Variants in PLPPR5 observed in about 807,000 individuals in gnomAD.
PLPPR5 encodes phospholipid phosphatase-related protein type 5.
Under a neutral mutation model 33.9 loss-of-function variants are expected in PLPPR5, and 16 were observed. The observed-to-expected ratio is 0.47, with a 90% confidence interval of 0.32 to 0.72. The LOEUF (loss-of-function observed/expected upper bound fraction) is 0.72, where lower values mean the gene tolerates loss of function less well. Ranked by LOEUF, PLPPR5 falls within the 30% of genes least tolerant of loss-of-function variation. PLPPR5 has a pLI of 0.03. For missense variants in PLPPR5, 301 were observed against 406.7 expected (o/e 0.74, Z 2.23); for synonymous variants, 163 against 150.3 (o/e 1.08, Z -0.62).
Position 98,917,187 on chromosome 1 carries a change from G to A in PLPPR5, c.799-2267C>T, listed in dbSNP as rs538191432. 1.4e-4 allele frequency among the ~76,000 whole-genome samples: 22 copies of A among 152,184 alleles called. No individual in the cohort carries two copies. In the South Asian group the frequency reaches 4.6e-3, roughly 31 times the overall value. ...CTCCGCCCCAGTGCAGATTCACAAG[G>A]CTAAAAACTTGAATTAATCCTTTAC... On this transcript the variant is annotated intron_variant, in intron 4 of 5. Transcript: ENST00000263177.
At chr1:98,979,878 G>C (rs1436181439) in intron 1 of PLPPR5, among the ~76,000 whole-genome samples, 1 of 151,964 alleles carries the variant, frequency 6.6e-6, no homozygotes, top group Non-Finnish European at 1.5e-5. Context: ...GCTCTGCCTT[G>C]CCTCTCAGCA....
intron 1 of PLPPR5, among the ~76,000 whole-genome samples, chr1:98,984,205 G>A (rs1436658448): frequency 6.6e-6 from 1 of 151,936 alleles, no homozygotes; most frequent in Admixed American, 6.6e-5. Context: ...CATGGAACAG[G>A]GCAGTGCCCG....
At chr1:99,005,615 G>C (rs1309604006), upstream of PLPPR5, among the ~76,000 whole-genome samples, 1 of 152,144 alleles carries the variant, frequency 6.6e-6, no homozygotes, top group African/African-American at 2.4e-5. Context: ...CTGCTTGTGA[G>C]AGGAGGCATT....
chr1:98,961,040 A>G (rs556186466), intron 1 of PLPPR5, among the ~76,000 whole-genome samples: 21 of 152,172 alleles, frequency 1.4e-4, no homozygotes, highest in Non-Finnish European at 2.2e-4. Context: ...CACTACCCCA[A>G]TGAGACTACC....
At chr1:98,983,532 A>G (rs1449749562) in intron 1 of PLPPR5, among the ~76,000 whole-genome samples, 8 of 149,286 alleles carry the variant, frequency 5.4e-5, no homozygotes, top group African/African-American at 2.0e-4. Context: ...ATTGTGAATA[A>G]TGCTGCAATA....
chr1:99,005,156 G>C (rs1486205061), upstream of PLPPR5: 2 of 151,368 alleles, frequency 1.3e-5, no homozygotes, highest in Non-Finnish European at 2.9e-5. Context: ...CTCCTGGCGG[G>C]GGTAAAATCA....
At chr1:98,911,738 C>T (rs1475623650) in intron 5 of PLPPR5, among the ~76,000 whole-genome samples, 3 of 151,798 alleles carry the variant, frequency 2.0e-5, no homozygotes, top group African/African-American at 7.3e-5. Context: ...AGATCTCTTC[C>T]TATATTTCAC....
At chr1:98,986,978 T>C (rs1448731733) in intron 1 of PLPPR5, among the ~76,000 whole-genome samples, 1 of 151,842 alleles carries the variant, frequency 6.6e-6, no homozygotes, top group Non-Finnish European at 1.5e-5. Context: ...AAATTGATTC[T>C]TCTCCATACT....
chr1:98,953,039 C>T, intron 3 of PLPPR5, 31 bp downstream of exon 3: 1 of 1,612,096 alleles, frequency 6.2e-7, no homozygotes, highest in Non-Finnish European at 8.5e-7. Flanking sequence ...ATAATACAGA[C>T]TAAGACAACA....
intron 2 of PLPPR5, among the ~76,000 whole-genome samples, chr1:98,954,397 C>T (rs1650924683): frequency 6.6e-6 from 1 of 152,030 alleles, no homozygotes; most frequent in Non-Finnish European, 1.5e-5. Context: ...ACTTAGGTTA[C>T]AATAGTTAGA....
chr1:98,923,144 G>A (rs1033889181), intron 3 of PLPPR5, among the ~76,000 whole-genome samples: 1 of 152,174 alleles, frequency 6.6e-6, no homozygotes, highest in East Asian at 1.9e-4. Context: ...GAAATGTCAT[G>A]AGCCACTACG....
rs1310728466 is a variant in PLPPR5, at chr1:98,893,070, T to A, written c.*2A>T. On this transcript the variant is annotated 3_prime_UTR_variant, in exon 6 of 6. Coordinates refer to ENST00000263177, the MANE Select transcript of PLPPR5 (RefSeq NM_001037317.2). ...TGCAGTGAAAAACCATCTGCTTCGA[T>A]ATCATGTGACTTCTGCGAAGGCAGT... The A allele has an allele frequency of 1.9e-6, 3 of 1,611,240 alleles. No homozygotes were observed.
chr1:98,955,816 C>T (rs937768742), intron 2 of PLPPR5, among the ~76,000 whole-genome samples: 20 of 152,046 alleles, frequency 1.3e-4, no homozygotes, highest in Non-Finnish European at 2.9e-5. Context: ...AAAAATTTAT[C>T]TTAAATGGCA....
intron 1 of PLPPR5, 74 bp from the exon 2 acceptor site, chr1:98,956,815 A>T (rs974995279): frequency 4.1e-5 from 49 of 1,190,976 alleles, no homozygotes; most frequent in Admixed American, 2.3e-4. Context: ...TATTTTAAAA[A>T]TGTAAAATGG....
intron 1 of PLPPR5, among the ~76,000 whole-genome samples, chr1:98,988,204 G>A (rs1430453966): frequency 6.6e-6 from 1 of 152,052 alleles, no homozygotes; most frequent in Non-Finnish European, 1.5e-5. Context: ...GTTTTAAAAA[G>A]TCAAATCTGA....
At chr1:98,956,818 T>C (rs915244325) in intron 1 of PLPPR5, 77 bp from the exon 2 acceptor site, 17 of 1,142,438 alleles carry the variant, frequency 1.5e-5, no homozygotes, top group Non-Finnish European at 2.0e-5. Flanking sequence ...TTTAAAAATG[T>C]AAAATGGAGC....
At chr1:98,907,942 G>A (rs2391986) in intron 5 of PLPPR5, among the ~76,000 whole-genome samples, 75,715 of 152,066 alleles carry the variant, frequency 0.5, 19,708 homozygotes, top group East Asian at 0.76. Flanking sequence ...TCCCATCCAG[G>A]TGTGGGGTAC....
At chr1:99,005,075 G>C (rs1056270249), upstream of PLPPR5, 2 of 153,072 alleles carry the variant, frequency 1.3e-5, no homozygotes, top group Non-Finnish European at 2.9e-5. Context: ...TGCGTGGGCG[G>C]ACGGGGCGGC....
At chr1:98,904,261 C>CTTTTTT (rs1050471002) in intron 5 of PLPPR5, among the ~76,000 whole-genome samples, 5 of 117,356 alleles carry the variant, frequency 4.3e-5, no homozygotes, top group Admixed American at 1.9e-4. Flanking sequence ...ATTACTTTCC[C>CTTTTTT]TTTTTTTTTT....
Sources: allele counts gnomAD v4.1 joint callset (sites outside exome capture counted in the v4.1 genomes callset), GRCh38; gene constraint gnomAD v4.1.1; transcripts MANE v1.5; gene names NCBI Gene and HGNC (gene_info 2026-07-23, HGNC 2026-07-21).